Variants in C3orf49 observed in about 807,000 individuals in gnomAD.
C3orf49 encodes chromosome 3 open reading frame 49.
C3orf49 carries 27 observed loss-of-function variants against 13.3 expected under a neutral mutation model. That is an observed-to-expected ratio of 2.02 (90% CI 1.49 to 2.79). The LOEUF (loss-of-function observed/expected upper bound fraction) is 2.79, where lower values mean the gene tolerates loss of function less well. C3orf49 is among the 30% of genes most tolerant of loss of function. The pLI, the probability that C3orf49 is intolerant of heterozygous loss-of-function variation, is 0.00. For synonymous variants in C3orf49, 87 were observed against 47.6 expected, an observed-to-expected ratio of 1.83 and a Z score of -3.40; for missense variants, 242 against 134.2, an observed-to-expected ratio of 1.80 and a Z score of -3.97.
chr3:63,780,678 A>C, the C3orf49 span, among the ~76,000 whole-genome samples: 1 of 152,190 alleles, frequency 6.6e-6, no homozygotes. Context: ...AATGATTGCC[A>C]TTCTAACTGG....
chr3:63,803,350 G>A, the C3orf49 span, among the ~76,000 whole-genome samples: 4 of 152,166 alleles, frequency 2.6e-5, no homozygotes, highest in Non-Finnish European at 2.9e-5. Flanking sequence ...AATGATATGC[G>A]CAGATGTGGG....
chr3:63,827,633 A>C lies in C3orf49; in HGVS notation c.478A>C (p.Thr160Pro). ...TIQLDVVEAE[T>P]EEITQGNTLL... ...ACAACTTGATGTTGTAGAGGCAGAG[A>C]CAGAGGAGATAACCCAGGGAAACAC... The change falls in exon 3 of 7, where the codon ACA becomes CCA. Residue 160 changes from threonine to proline, a missense_variant. Physicochemically the swap from Thr to Pro is conservative, Grantham distance 38. Coordinates refer to ENST00000295896, the MANE Select transcript of C3orf49 (RefSeq NM_001355236.2). The C allele has an allele frequency of 1.4e-6, 1 of 703,350 alleles. No homozygotes were observed. The highest frequency in any genetic ancestry group is 2.6e-6 in the Non-Finnish European group (1 of 385,076). The allele number at this position is 703,350 out of a possible 1,614,324, so 43.6% of individuals were successfully genotyped here.
the C3orf49 span, among the ~76,000 whole-genome samples, chr3:63,786,890 GA>G: frequency 6.6e-6 from 1 of 152,146 alleles, no homozygotes. Flanking sequence ...AACTTCTCGA[GA>G]AAGACAGCAG....
At chr3:63,797,290 G>A in the C3orf49 span, among the ~76,000 whole-genome samples, 1 of 152,044 alleles carries the variant, frequency 6.6e-6, no homozygotes, top group Non-Finnish European at 1.5e-5. Flanking sequence ...ATGCAGTTAT[G>A]TGTGAATATA....
the C3orf49 span, among the ~76,000 whole-genome samples, chr3:63,803,886 AC>A: frequency 1.3e-5 from 2 of 151,848 alleles, no homozygotes; most frequent in Admixed American, 6.6e-5. Flanking sequence ...TATACAACTC[AC>A]CATAATGTAG....
At chr3:63,839,980 ATATT>A (rs1241743577) in intron 5 of C3orf49, among the ~76,000 whole-genome samples, 1 of 152,198 alleles carries the variant, frequency 6.6e-6, no homozygotes, top group South Asian at 2.1e-4. Context: ...ATAATAAAAA[ATATT>A]TATATACTAA....
At chr3:63,831,975 C>T (rs1701539458) in intron 5 of C3orf49, 131 bp downstream of exon 5, 1 of 577,628 alleles carries the variant, frequency 1.7e-6, no homozygotes, top group East Asian at 3.0e-5. Flanking sequence ...GAGTGGATCA[C>T]TTGATGTCTG....
chr3:63,836,297 T>G lies in C3orf49; in HGVS notation c.849+4453T>G, dbSNP rs780787227. On this transcript the variant is annotated intron_variant, in intron 5 of 6. Coordinates refer to ENST00000295896, the MANE Select transcript of C3orf49 (RefSeq NM_001355236.2). ...TTCCTTTCAAAGTAAAGCTCTACAC[T>G]TACTTTAATGTCTCATGCCTGTCTG... is the stretch of plus-strand genomic sequence containing the variant. The G allele has an allele frequency of 1.6e-5, 26 of 1,612,098 alleles. 1 individual carries two copies. The highest frequency in any genetic ancestry group is 1.3e-5 in the Non-Finnish European group (15 of 1,178,804).
chr3:63,824,761 T>C (rs142965786), intron 2 of C3orf49, among the ~76,000 whole-genome samples: 8 of 143,746 alleles, frequency 5.6e-5, no homozygotes, highest in African/African-American at 2.1e-4. Flanking sequence ...CGCTTGAATC[T>C]GGGAGTCGGA....
intron 3 of C3orf49, among the ~76,000 whole-genome samples, 171 bp from the exon 4 acceptor site, chr3:63,830,939 A>G (rs1701524265): frequency 6.6e-6 from 1 of 152,184 alleles, no homozygotes; most frequent in South Asian, 2.1e-4. Flanking sequence ...CACAAAGAAG[A>G]TACTTGGGGT....
chr3:63,827,660 C>T lies in C3orf49; in HGVS notation c.505C>T (p.Leu169Phe). The stretch of plus-strand genomic sequence containing the variant: ...AGAGGAGATAACCCAGGGAAACACA[C>T]TCCTTCGGGCCAGGAGAACCACCAA... The part of the protein sequence containing the change: ...ETEEITQGNT[L>F]LRARRTTKRL... The change falls in exon 3 of 7, where the codon CTC (leucine) becomes TTC (phenylalanine). Residue 169 changes from leucine to phenylalanine, a missense_variant. Transcript: ENST00000295896. The T allele has an allele frequency of 1.4e-6, 1 of 703,210 alleles. No homozygotes were observed. The highest frequency in any genetic ancestry group is 2.6e-6 in the Non-Finnish European group (1 of 385,050). The allele number at this position is 703,210 out of a possible 1,614,324, so 43.6% of individuals were successfully genotyped here. A position where few individuals can be genotyped will look rare whatever the true frequency, so the allele number is the denominator to read the frequency against.
the C3orf49 span, among the ~76,000 whole-genome samples, chr3:63,813,263 C>T: frequency 1.3e-5 from 2 of 152,094 alleles, no homozygotes; most frequent in African/African-American, 4.8e-5. Context: ...GATAGCTGTC[C>T]AGAGGTGGAA....
At chr3:63,802,432 A>G in the C3orf49 span, among the ~76,000 whole-genome samples, 1 of 152,228 alleles carries the variant, frequency 6.6e-6, no homozygotes, top group African/African-American at 2.4e-5. Flanking sequence ...TTGTACTGCA[A>G]TGTTGTAGAA....
the C3orf49 span, among the ~76,000 whole-genome samples, chr3:63,794,727 A>ATTGG: frequency 1.2e-4 from 18 of 152,192 alleles, no homozygotes; most frequent in African/African-American, 4.3e-4. Flanking sequence ...CACTTCAGTG[A>ATTGG]TTGGTGATCT....
intron 2 of C3orf49, among the ~76,000 whole-genome samples, chr3:63,826,480 T>A (rs1701465805): frequency 6.6e-6 from 1 of 152,168 alleles, no homozygotes; most frequent in African/African-American, 2.4e-5. Flanking sequence ...GATTGAGCAC[T>A]GGCTTTGAAG....
Position 63,819,452 on chromosome 3 carries a change from T to G in C3orf49, c.-20T>G, listed in dbSNP as rs569221164. On this transcript the variant is annotated 5_prime_UTR_variant, in exon 1 of 7. Coordinates refer to ENST00000295896, the MANE Select transcript of C3orf49 (RefSeq NM_001355236.2). ...AACTAAAACAATCCAAAACGGCTAC[T>G]ACAGGTGAAGTTGAGAGCAATGGCC... 7.4e-5 allele frequency: 52 copies of G among 702,402 alleles called. No individual in the cohort carries two copies. The African/African-American group carries it at 8.5e-4, about 12-fold the overall frequency. 43.5% of individuals were successfully genotyped at this position (702,402 alleles called of 1,614,324 possible).
intron 6 of C3orf49, among the ~76,000 whole-genome samples, chr3:63,846,469 G>A (rs749635975): frequency 9.2e-5 from 14 of 152,010 alleles, no homozygotes; most frequent in Non-Finnish European, 1.6e-4. Flanking sequence ...GTGCAAGGGC[G>A]CAATCTTGGC....
chr3:63,788,267 C>T, the C3orf49 span, among the ~76,000 whole-genome samples: 1 of 152,124 alleles, frequency 6.6e-6, no homozygotes, highest in Admixed American at 6.6e-5. Flanking sequence ...AGGAAGTGAT[C>T]CAAGAATACA....
At chr3:63,815,835 C>T (rs559656478), upstream of C3orf49, among the ~76,000 whole-genome samples, 2 of 146,168 alleles carry the variant, frequency 1.4e-5, no homozygotes, top group South Asian at 2.1e-4. Context: ...GGCCTGATCT[C>T]AGCTCACTGC....
Sources: gnomAD v4.1 joint callset for allele counts (sites outside exome capture counted in the v4.1 genomes callset) on GRCh38, gnomAD v4.1.1 for gene constraint, MANE v1.5 for transcripts, NCBI Gene and HGNC (gene_info 2026-07-23, HGNC 2026-07-21) for gene names.